BANP: variants seen among roughly 807,000 people sequenced by gnomAD.
BANP encodes BTG3 associated nuclear protein, also known as protein BANP.
In BANP, 11 loss-of-function variants were observed where a neutral mutation model predicts 68.1. The ratio of observed to expected loss-of-function variants is 0.16; its 90% CI spans 0.10 to 0.27. The LOEUF is 0.27. Among genes scored for constraint, BANP ranks in the 10% least tolerant of loss-of-function variants. The pLI is 1.00. For synonymous variants in BANP, 329 were observed against 303.2 expected, an observed-to-expected ratio of 1.09 and a Z score of -0.88; for missense variants, 504 against 722.7, an observed-to-expected ratio of 0.70 and a Z score of 3.47.
intron 11 of BANP, among the ~76,000 whole-genome samples, chr16:88,044,788 G>C (rs7205761): frequency 0.47 from 71,772 of 152,024 alleles, 20,066 homozygotes; most frequent in Non-Finnish European, 0.65. Context: ...TCGAGACCAT[G>C]CTGGCTAACA....
chr16:87,954,605 G>A (rs2057676217), intron 1 of BANP, among the ~76,000 whole-genome samples: 1 of 152,226 alleles, frequency 6.6e-6, no homozygotes, highest in South Asian at 2.1e-4. Flanking sequence ...CTTTAGGAAG[G>A]CCCCTTTGCT....
At chr16:87,986,729 T>C (rs1479955608) in intron 4 of BANP, among the ~76,000 whole-genome samples, 1 of 152,146 alleles carries the variant, frequency 6.6e-6, no homozygotes, top group African/African-American at 2.4e-5. Flanking sequence ...TGGGGGCAAA[T>C]GATATCATTC....
At chr16:88,055,560 C>T (rs560756087) in intron 11 of BANP, among the ~76,000 whole-genome samples, 4 of 152,208 alleles carry the variant, frequency 2.6e-5, no homozygotes, top group South Asian at 2.1e-4. Context: ...GCCTTCTAGA[C>T]CCAGCTGGGA....
chr16:88,074,476 C>T (rs993596170), intron 13 of BANP, among the ~76,000 whole-genome samples: 5 of 152,024 alleles, frequency 3.3e-5, no homozygotes, highest in African/African-American at 7.3e-5. Context: ...TCTTAATGCG[C>T]GGTGGCCTGT....
chr16:88,045,554 C>T (rs2081828410), intron 11 of BANP, among the ~76,000 whole-genome samples: 1 of 152,172 alleles, frequency 6.6e-6, no homozygotes, highest in African/African-American at 2.4e-5. Context: ...TGGACTCCCT[C>T]GTTCATTCCC....
At chr16:88,069,841 G>A (rs2089845879) in intron 12 of BANP, among the ~76,000 whole-genome samples, 1 of 152,108 alleles carries the variant, frequency 6.6e-6, no homozygotes, top group African/African-American at 2.4e-5. Context: ...CCACTTATAC[G>A]TGCATTTTTT....
intron 5 of BANP, among the ~76,000 whole-genome samples, chr16:88,005,835 A>G: frequency 6.6e-6 from 1 of 152,246 alleles, no homozygotes; most frequent in East Asian, 1.9e-4. Context: ...AGTCCCAGTG[A>G]GTATGATTTT....
At chr16:87,999,113 CCCAGACACG>C (rs2068278068) in intron 4 of BANP, among the ~76,000 whole-genome samples, 1 of 136,248 alleles carries the variant, frequency 7.3e-6, no homozygotes, top group Non-Finnish European at 1.6e-5. Context: ...CTTCCAGACA[CCCAGACACG>C]TCTCCATGCA....
upstream of BANP, chr16:87,951,324 A>C (rs2056796442): frequency 1.3e-5 from 2 of 152,002 alleles, no homozygotes; most frequent in Non-Finnish European, 2.9e-5. Flanking sequence ...AAGCGCGCGC[A>C]GCTGGCCTCA....
At chr16:87,980,059 T>C (rs1207451351) in intron 2 of BANP, among the ~76,000 whole-genome samples, 1 of 152,232 alleles carries the variant, frequency 6.6e-6, no homozygotes, top group East Asian at 1.9e-4. Context: ...CTCCCACATG[T>C]ATGCCGTTTG....
chr16:88,016,108 C>G (rs2074492127), intron 6 of BANP, among the ~76,000 whole-genome samples: 1 of 152,220 alleles, frequency 6.6e-6, no homozygotes, highest in Non-Finnish European at 1.5e-5. Context: ...TTTTAAAAAT[C>G]CTCCCTTCAG....
chr16:88,046,931 G>A (rs1052901806), intron 11 of BANP, among the ~76,000 whole-genome samples: 3 of 151,802 alleles, frequency 2.0e-5, no homozygotes, highest in African/African-American at 7.3e-5. Context: ...CCGGACGTGG[G>A]GGTGGGCGCC....
At chr16:87,991,629 T>C (rs1033880289) in intron 4 of BANP, among the ~76,000 whole-genome samples, 6 of 152,212 alleles carry the variant, frequency 3.9e-5, no homozygotes, top group African/African-American at 1.2e-4. Context: ...CATTTATCTC[T>C]GAGTACTTCA....
At chr16:88,073,341 C>A (rs1379108441) in intron 13 of BANP, among the ~76,000 whole-genome samples, 1 of 152,166 alleles carries the variant, frequency 6.6e-6, no homozygotes, top group Non-Finnish European at 1.5e-5. Flanking sequence ...AAGGTCTGGC[C>A]CCTCCTCTGG....
intron 4 of BANP, among the ~76,000 whole-genome samples, chr16:87,989,385 G>T (rs1417580864): frequency 6.6e-6 from 1 of 152,246 alleles, no homozygotes. Context: ...TTCGGTTGGT[G>T]CATTCGTTAT....
chr16:88,049,406 C>G (rs1320256614), intron 11 of BANP, among the ~76,000 whole-genome samples: 1 of 152,166 alleles, frequency 6.6e-6, no homozygotes, highest in African/African-American at 2.4e-5. Context: ...TCCCTGGGCA[C>G]CATCCTCCAG....
intron 13 of BANP, among the ~76,000 whole-genome samples, chr16:88,072,562 C>G (rs976415153): frequency 6.6e-6 from 1 of 152,260 alleles, no homozygotes; most frequent in African/African-American, 2.4e-5. Flanking sequence ...AGCTCCCTGC[C>G]CCACTCGTTG....
intron 8 of BANP, among the ~76,000 whole-genome samples, chr16:88,030,957 G>C (rs972445157): frequency 6.6e-6 from 1 of 152,220 alleles, no homozygotes; most frequent in Non-Finnish European, 1.5e-5. Context: ...GAGAAGTAGC[G>C]CATAAGTAAA....
chr16:88,060,103 C>T (rs1033378492), intron 11 of BANP, among the ~76,000 whole-genome samples: 3 of 152,248 alleles, frequency 2.0e-5, no homozygotes, highest in East Asian at 1.9e-4. Context: ...CCGAAGGTGC[C>T]GAAGTGTGAG....
Sources: gnomAD v4.1 joint callset for allele counts (sites outside exome capture counted in the v4.1 genomes callset) on GRCh38, gnomAD v4.1.1 for gene constraint, MANE v1.5 for transcripts, NCBI Gene and HGNC (gene_info 2026-07-23, HGNC 2026-07-21) for gene names.